PATJ: variants seen among roughly 807,000 people sequenced by gnomAD.
The protein encoded by PATJ is PATJ crumbs cell polarity complex component.
Under a neutral mutation model 224.9 loss-of-function variants are expected in PATJ, and 190 were observed. The ratio of observed to expected loss-of-function variants is 0.84; its 90% CI spans 0.75 to 0.95. The LOEUF is 0.95. Ranked by LOEUF, PATJ falls within the 40% of genes least tolerant of loss-of-function variation. The pLI, the probability that PATJ is intolerant of heterozygous loss-of-function variation, is 0.00. For missense variants in PATJ, 2,121 were observed against 2,270.3 expected (o/e 0.93, Z 1.34); for synonymous variants, 769 against 820.3 (o/e 0.94, Z 1.07).
intron 41 of PATJ, among the ~76,000 whole-genome samples, chr1:62,144,858 TTTATC>T (rs928546328): frequency 7.3e-5 from 11 of 150,574 alleles, no homozygotes; most frequent in African/African-American, 1.5e-4. Context: ...TGGGTTTATT[TTTATC>T]TTATTTTATT....
chr1:62,007,870 C>T (rs1320350040), intron 28 of PATJ, among the ~76,000 whole-genome samples: 1 of 152,178 alleles, frequency 6.6e-6, no homozygotes, highest in East Asian at 1.9e-4. Flanking sequence ...AAAGGCCCCA[C>T]GTCCAAATAC....
chr1:61,840,416 T>TA (rs1376917917), intron 17 of PATJ, among the ~76,000 whole-genome samples: 3 of 151,980 alleles, frequency 2.0e-5, no homozygotes, highest in African/African-American at 4.8e-5. Context: ...TTCTTCCAGG[T>TA]AAAAAACCTT....
In PATJ at chr1:62,084,788, A is replaced by G. The variant is rs989821835; in HGVS notation, c.4377+140A>G. ...TGTGATTATAAATAGATGTGCATCCATAGTCTAGCTAGTTTTCAAGTTTTT... is the reference window on the plus strand; with the variant it reads ...TGTGATTATAAATAGATGTGCATCCGTAGTCTAGCTAGTTTTCAAGTTTTT... On this transcript the variant is annotated intron_variant, in intron 33 of 43. Coordinates refer to ENST00000642238, the MANE Select transcript of PATJ (RefSeq NM_001350145.3). The G allele has an allele frequency of 3.1e-5, 27 of 861,924 alleles. No homozygotes were observed. In the African/African-American group the frequency reaches 3.8e-4, roughly 12 times the overall value. 53.4% of individuals were successfully genotyped at this position (861,924 alleles called of 1,614,324 possible). A position where few individuals can be genotyped will look rare whatever the true frequency, so the allele number is the denominator to read the frequency against.
At chr1:61,966,853 C>T (rs997740086) in intron 27 of PATJ, among the ~76,000 whole-genome samples, 1 of 152,120 alleles carries the variant, frequency 6.6e-6, no homozygotes, top group Admixed American at 6.5e-5. Flanking sequence ...CCTGATGTTA[C>T]CGTGGCATTT....
intron 20 of PATJ, among the ~76,000 whole-genome samples, chr1:61,865,904 G>A (rs147712167): frequency 2.6e-5 from 4 of 152,136 alleles, no homozygotes; most frequent in East Asian, 3.9e-4. Context: ...TCCTCACTTT[G>A]TCCCTCATGC....
intron 29 of PATJ, among the ~76,000 whole-genome samples, chr1:62,028,788 A>G (rs1648562245): frequency 6.6e-6 from 1 of 152,008 alleles, no homozygotes; most frequent in Non-Finnish European, 1.5e-5. Flanking sequence ...TGTTTAAAAA[A>G]AAAGAAAAAG....
chr1:62,157,143 G>T (rs1302628807), intron 43 of PATJ, among the ~76,000 whole-genome samples: 1 of 151,746 alleles, frequency 6.6e-6, no homozygotes, highest in Non-Finnish European at 1.5e-5. Context: ...GGCCAACATG[G>T]TGAAACCCAG....
At chr1:61,849,520 G>A (rs1481325518) in intron 17 of PATJ, among the ~76,000 whole-genome samples, 1 of 152,240 alleles carries the variant, frequency 6.6e-6, no homozygotes, top group East Asian at 1.9e-4. Context: ...TTAAGCCCAG[G>A]AGGTCGAGAC....
intron 27 of PATJ, among the ~76,000 whole-genome samples, chr1:61,946,850 A>T (rs905799686): frequency 6.6e-6 from 1 of 152,202 alleles, no homozygotes; most frequent in East Asian, 1.9e-4. Context: ...CCAGCAGCAC[A>T]TCAAAAAGCT....
chr1:62,075,044 A>G (rs901742742), intron 31 of PATJ, among the ~76,000 whole-genome samples: 3 of 152,222 alleles, frequency 2.0e-5, no homozygotes, highest in Non-Finnish European at 4.4e-5. Context: ...TATTACAACC[A>G]TAGAATTTTA....
At chr1:61,838,040 A>G (rs1660465245) in intron 17 of PATJ, among the ~76,000 whole-genome samples, 1 of 152,232 alleles carries the variant, frequency 6.6e-6, no homozygotes, top group South Asian at 2.1e-4. Context: ...GACATTTTAA[A>G]TTAGATTGGG....
At chr1:62,025,506 A>G (rs894682158) in intron 29 of PATJ, among the ~76,000 whole-genome samples, 4 of 152,188 alleles carry the variant, frequency 2.6e-5, no homozygotes, top group Admixed American at 6.5e-5. Context: ...GAGAGTATCT[A>G]TGGTACTATC....
At chr1:61,859,512 C>T (rs1342192108) in intron 18 of PATJ, among the ~76,000 whole-genome samples, 1 of 151,974 alleles carries the variant, frequency 6.6e-6, no homozygotes, top group Non-Finnish European at 1.5e-5. Flanking sequence ...AGGAACCAGG[C>T]ATGGATCTTC....
intron 22 of PATJ, among the ~76,000 whole-genome samples, chr1:61,891,047 A>AAC (rs201373669): frequency 1.6e-5 from 2 of 122,756 alleles, no homozygotes; most frequent in African/African-American, 2.8e-5. Flanking sequence ...GTTGATTAAC[A>AAC]AAAAAAAAAA....
At chr1:61,913,059 C>T (rs911233979) in intron 25 of PATJ, among the ~76,000 whole-genome samples, 1 of 152,082 alleles carries the variant, frequency 6.6e-6, no homozygotes, top group Middle Eastern at 3.2e-3. Flanking sequence ...GTAAATGACA[C>T]GTTTCTGAGA....
chr1:61,962,753 G>A (rs1420747388), intron 27 of PATJ, among the ~76,000 whole-genome samples: 1 of 152,180 alleles, frequency 6.6e-6, no homozygotes, highest in African/African-American at 2.4e-5. Context: ...TATGGACCTG[G>A]AAGTGGACAT....
chr1:61,979,393 G>A (rs1321760093), intron 27 of PATJ, among the ~76,000 whole-genome samples: 5 of 152,032 alleles, frequency 3.3e-5, no homozygotes, highest in Non-Finnish European at 7.3e-5. Context: ...GGTGGTTCAG[G>A]CCTGTAATCC....
chr1:62,125,852 C>T (rs1289162450), intron 39 of PATJ, among the ~76,000 whole-genome samples: 2 of 152,152 alleles, frequency 1.3e-5, no homozygotes, highest in African/African-American at 2.4e-5. Flanking sequence ...TCACTGAAAC[C>T]TCCACCTCCC....
At chr1:61,985,473 T>C (rs1644702045) in intron 27 of PATJ, among the ~76,000 whole-genome samples, 1 of 152,108 alleles carries the variant, frequency 6.6e-6, no homozygotes, top group Non-Finnish European at 1.5e-5. Context: ...CATTTACTAT[T>C]TTACCGTCTT....
Sources: gnomAD v4.1 joint callset for allele counts (sites outside exome capture counted in the v4.1 genomes callset) on GRCh38, gnomAD v4.1.1 for gene constraint, MANE v1.5 for transcripts, NCBI Gene and HGNC (gene_info 2026-07-23, HGNC 2026-07-21) for gene names.